MAGI3: variants seen among roughly 807,000 people sequenced by gnomAD.
MAGI3 encodes the protein membrane associated guanylate kinase, WW and PDZ domain containing 3.
Under a neutral mutation model 121.8 loss-of-function variants are expected in MAGI3, and 43 were observed. The observed-to-expected ratio is 0.35, with a 90% CI of 0.28 to 0.46. The LOEUF (loss-of-function observed/expected upper bound fraction) is 0.46. Among genes scored for constraint, MAGI3 ranks in the 20% least tolerant of loss-of-function variants. The pLI, the probability that MAGI3 is intolerant of heterozygous loss-of-function variation, is 1.00. For missense variants in MAGI3, 1,547 were observed against 1,797.3 expected (o/e 0.86, Z 2.52); for synonymous variants, 553 against 639.3 (o/e 0.86, Z 2.04).
At chr1:113,517,091 G>C (rs764191713) in intron 1 of MAGI3, among the ~76,000 whole-genome samples, 10 of 151,706 alleles carry the variant, frequency 6.6e-5, no homozygotes, top group Non-Finnish European at 1.3e-4. Flanking sequence ...AATGTAATGT[G>C]GTATTCTGGA....
intron 9 of MAGI3, among the ~76,000 whole-genome samples, chr1:113,625,496 A>G (rs1483825767): frequency 1.3e-5 from 2 of 152,022 alleles, no homozygotes; most frequent in Non-Finnish European, 2.9e-5. Context: ...TCTTTTTCAG[A>G]TTGTTCACTG....
At chr1:113,416,409 A>T (rs1204360993) in intron 1 of MAGI3, among the ~76,000 whole-genome samples, 6 of 96,032 alleles carry the variant, frequency 6.2e-5, no homozygotes, top group African/African-American at 1.0e-4. Flanking sequence ...TAATTAATTA[A>T]TAATTAATAA....
At chr1:113,525,171 C>G (rs1658394044) in intron 1 of MAGI3, among the ~76,000 whole-genome samples, 1 of 152,186 alleles carries the variant, frequency 6.6e-6, no homozygotes, top group Non-Finnish European at 1.5e-5. Flanking sequence ...ATGTCTTTAT[C>G]AGCAACATGA....
intron 1 of MAGI3, among the ~76,000 whole-genome samples, chr1:113,424,747 G>T (rs1407619629): frequency 6.6e-6 from 1 of 152,132 alleles, no homozygotes; most frequent in African/African-American, 2.4e-5. Flanking sequence ...TCATATAAAG[G>T]TTTTAATGTG....
At chr1:113,449,643 A>C (rs1053681701) in intron 1 of MAGI3, 1 of 701,990 alleles carries the variant, frequency 1.4e-6, no homozygotes, top group Non-Finnish European at 2.6e-6. Flanking sequence ...CTGATTAAAA[A>C]ATTTTTCAGT....
chr1:113,657,303 C>T (rs947142800), intron 15 of MAGI3, among the ~76,000 whole-genome samples: 1 of 152,286 alleles, frequency 6.6e-6, no homozygotes, highest in South Asian at 2.1e-4. Flanking sequence ...TCAGAAGCTA[C>T]CTTTCTACTG....
intron 2 of MAGI3, among the ~76,000 whole-genome samples, chr1:113,567,766 A>G (rs1490848267): frequency 6.6e-6 from 1 of 152,062 alleles, no homozygotes; most frequent in Non-Finnish European, 1.5e-5. Flanking sequence ...CTTAACAGGA[A>G]AAGACAGAAG....
At chr1:113,641,656 T>C (rs1454027665) in intron 9 of MAGI3, among the ~76,000 whole-genome samples, 1 of 152,046 alleles carries the variant, frequency 6.6e-6, no homozygotes, top group Non-Finnish European at 1.5e-5. Context: ...GGTTTTTTTT[T>C]TAATGATTCA....
chr1:113,653,507 G>T (rs1403718406), intron 14 of MAGI3, among the ~76,000 whole-genome samples: 2 of 151,974 alleles, frequency 1.3e-5, no homozygotes, highest in Non-Finnish European at 2.9e-5. Context: ...AGGAAGCAGA[G>T]GTTGCAATGA....
rs528159538 is a variant in MAGI3, at chr1:113,606,670, A to T, written c.1019-7931A>T. On this transcript the variant is annotated intron_variant, in intron 6 of 20. Coordinates refer to ENST00000307546, the MANE Select transcript of MAGI3 (RefSeq NM_001142782.2). ...CCCTACTAATACTTCAAATAAGCTTATTTAAAACTAAATTGACATCTTTCT... is the reference window on the plus strand; with the variant it reads ...CCCTACTAATACTTCAAATAAGCTTTTTTAAAACTAAATTGACATCTTTCT... Among the ~76,000 whole-genome samples, 283 of 152,212 alleles carry T rather than the reference A, an allele frequency of 1.9e-3. 1 individual carries two copies. Among genetic ancestry groups the T allele is most frequent in the African/African-American group, 6.4e-3 (266 of 41,554 alleles).
At chr1:113,490,442 A>C (rs959627122) in intron 1 of MAGI3, among the ~76,000 whole-genome samples, 1 of 152,230 alleles carries the variant, frequency 6.6e-6, no homozygotes, top group Admixed American at 6.5e-5. Flanking sequence ...ACTGAAGTAC[A>C]CAGACCAGTG....
At chr1:113,543,820 A>T (rs992638349) in intron 1 of MAGI3, among the ~76,000 whole-genome samples, 2 of 151,742 alleles carry the variant, frequency 1.3e-5, no homozygotes, top group African/African-American at 4.8e-5. Context: ...GTGAGCCGAG[A>T]TCGCACCTCT....
At chr1:113,448,961 A>G (rs193099983) in intron 1 of MAGI3, among the ~76,000 whole-genome samples, 35 of 152,228 alleles carry the variant, frequency 2.3e-4, no homozygotes, top group African/African-American at 7.7e-4. Flanking sequence ...TCTACTAAAA[A>G]TACAAAATTA....
In MAGI3 at chr1:113,483,893, T is replaced by TTGTG. The variant is rs149847532; in HGVS notation, c.317-65602_317-65599dup. 4.1e-4 allele frequency among the ~76,000 whole-genome samples: 62 copies of TTGTG among 149,504 alleles called. 1 individual carries two copies. The East Asian group carries it at 5.7e-3, about 14-fold the overall frequency. ...CTTGTACTTTTTCTCTCTAATGTGA[T>TTGTG]TGTGTGTGTGTGTGTGTGTGTGTTT... On this transcript the variant is annotated intron_variant, in intron 1 of 20. Transcript: ENST00000307546.
rs576181249 is a variant in MAGI3 at position 113,497,303 on chromosome 1, G to A, written c.317-52212G>A. On this transcript the variant is annotated intron_variant, in intron 1 of 20. Coordinates refer to ENST00000307546, the MANE Select transcript of MAGI3 (RefSeq NM_001142782.2). ...TTTCTGCATTTCCATCTGAGGTACCGGGTTCATCTCACTAGGGAGTGCCAG... is the reference window on the plus strand; with the variant it reads ...TTTCTGCATTTCCATCTGAGGTACCAGGTTCATCTCACTAGGGAGTGCCAG... 2.2e-4 allele frequency among the ~76,000 whole-genome samples: 28 copies of A among 130,008 alleles called. 2 individuals are homozygous for A. The highest frequency in any genetic ancestry group is 6.5e-4 in the African/African-American group (24 of 36,662). The allele number at this position is 130,008 out of a possible 152,430, so 85.3% of individuals were successfully genotyped here.
rs768556553 is a variant in MAGI3, at chr1:113,642,462, G to A, written c.1912G>A (p.Val638Met). The change falls in exon 10 of 21, where the codon GTG (valine) becomes ATG (methionine). Residue 638 changes from valine (V) to methionine (M), a missense_variant. Val to Met is a conservative substitution (Grantham distance 21). Coordinates refer to ENST00000307546, the MANE Select transcript of MAGI3 (RefSeq NM_001142782.2). The stretch of plus-strand genomic sequence containing the variant: ...TTTAACACATCTCCAAGTGGTAGAG[G>A]TGCTAAAGCAGTTTCCAGTAGGTGC... ...QNLTHLQVVEVLKQFPVGADV... is the reference protein window; with the variant it reads ...QNLTHLQVVEMLKQFPVGADV... 7.4e-6 allele frequency: 12 copies of A among 1,614,096 alleles called. No individual in the cohort carries two copies. Among genetic ancestry groups the A allele is most frequent in the Admixed American group, 6.7e-5 (4 of 60,018 alleles).
At position 113,395,087 on chromosome 1, in the gene MAGI3, G is replaced by GTTTTTTTTTT. The variant is rs139532433; in HGVS notation, c.316+3758_316+3767dup. ...TCTTATCTCTTGAATCTTTTTGTTAGTTTTTTTTTTTTTTTTTTTTTTTTT... is the reference window on the plus strand; with the variant it reads ...TCTTATCTCTTGAATCTTTTTGTTAGTTTTTTTTTTTTTTTTTTTTTTTTTTTTTTTTTTT... On this transcript the variant is annotated intron_variant, in intron 1 of 20. Transcript: ENST00000307546. Among the ~76,000 whole-genome samples the GTTTTTTTTTT allele has an allele frequency of 2.4e-3, 81 of 33,238 alleles. 5 individuals are homozygous for GTTTTTTTTTT. Among genetic ancestry groups the GTTTTTTTTTT allele is most frequent in the Non-Finnish European group, 3.1e-3 (60 of 19,646 alleles). The allele number at this position is 33,238 out of a possible 152,430, so 21.8% of individuals were successfully genotyped here.
At chr1:113,513,849 A>G (rs1657745381) in intron 1 of MAGI3, among the ~76,000 whole-genome samples, 1 of 152,088 alleles carries the variant, frequency 6.6e-6, no homozygotes, top group African/African-American at 2.4e-5. Context: ...GCAGCCTACA[A>G]AACAGGAGAA....
chr1:113,444,200 G>T (rs1004385669), intron 1 of MAGI3, among the ~76,000 whole-genome samples: 1 of 152,222 alleles, frequency 6.6e-6, no homozygotes, highest in African/African-American at 2.4e-5. Flanking sequence ...TTTTCACACA[G>T]CTCATGGGAG....
Sources: allele counts gnomAD v4.1 joint callset (sites outside exome capture counted in the v4.1 genomes callset), GRCh38; gene constraint gnomAD v4.1.1; transcripts MANE v1.5; gene names NCBI Gene and HGNC (gene_info 2026-07-23, HGNC 2026-07-21).